Variants in DCC observed in about 807,000 individuals in gnomAD.
DCC encodes the protein DCC netrin 1 receptor, also known as netrin receptor DCC.
In DCC, 58 loss-of-function variants were observed where a neutral mutation model predicts 172.5. The observed-to-expected ratio is 0.34, with a 90% CI of 0.27 to 0.42. The LOEUF is 0.42. DCC is among the 10% of genes least tolerant of loss of function. The probability of loss-of-function intolerance (pLI) is 1.00; values close to 1 mark genes in which losing one functional copy is unlikely to be tolerated. For synonymous variants in DCC, 709 were observed against 644.5 expected, an observed-to-expected ratio of 1.10 and a Z score of -1.52; for missense variants, 1,740 against 1,791.0, an observed-to-expected ratio of 0.97 and a Z score of 0.51.
intron 22 of DCC, among the ~76,000 whole-genome samples, chr18:53,444,003 C>T (rs1912441733): frequency 6.6e-6 from 1 of 152,162 alleles, no homozygotes; most frequent in Non-Finnish European, 1.5e-5. Context: ...GAAAGTGATT[C>T]ATTGAGATGA....
At chr18:52,827,514 C>T (rs529666189) in intron 2 of DCC, among the ~76,000 whole-genome samples, 1 of 152,204 alleles carries the variant, frequency 6.6e-6, no homozygotes, top group African/African-American at 2.4e-5. Flanking sequence ...TACTGCAAAA[C>T]TATTATTTGC....
intron 12 of DCC, among the ~76,000 whole-genome samples, chr18:53,217,233 C>A (rs2055865207): frequency 6.7e-6 from 1 of 150,322 alleles, no homozygotes; most frequent in Admixed American, 6.7e-5. Context: ...GACGGAATTC[C>A]TGGATTGCAA....
chr18:52,718,595 G>A (rs112986659), intron 1 of DCC, among the ~76,000 whole-genome samples: 10 of 152,290 alleles, frequency 6.6e-5, no homozygotes, highest in South Asian at 4.1e-4. Context: ...CCCTGCCTCC[G>A]TGTGGCTCTG....
intron 12 of DCC, among the ~76,000 whole-genome samples, chr18:53,301,046 C>G (rs1450900087): frequency 1.0e-5 from 1 of 96,334 alleles, no homozygotes; most frequent in African/African-American, 3.5e-5. Context: ...TTCTTCCTTT[C>G]CTTTCCTGTC....
Position 52,792,451 on chromosome 18 carries a change from A to T in DCC, c.412+40077A>T, listed in dbSNP as rs935905622. Among the ~76,000 whole-genome samples the T allele has an allele frequency of 2.6e-5, 4 of 152,332 alleles. No individual in the cohort carries two copies. In the South Asian group the frequency reaches 8.3e-4, roughly 32 times the overall value. ...GGTGGTCAGAGGCCGAGGTCAGTCC[A>T]TAAGCCTTTGGGTAACACTCAGGGG... On this transcript the variant is annotated intron_variant, in intron 2 of 28. Transcript: ENST00000442544.
At chr18:52,551,829 C>A (rs1017184698) in intron 1 of DCC, among the ~76,000 whole-genome samples, 1 of 151,876 alleles carries the variant, frequency 6.6e-6, no homozygotes, top group Non-Finnish European at 1.5e-5. Flanking sequence ...CCACAGTCAG[C>A]TTTGGTGGCC....
intron 7 of DCC, among the ~76,000 whole-genome samples, chr18:53,119,114 C>T (rs2043447109): frequency 6.6e-6 from 1 of 151,592 alleles, no homozygotes; most frequent in African/African-American, 2.4e-5. Flanking sequence ...ATGCTGTGTC[C>T]CCCTGAGGTA....
chr18:53,361,287 G>A (rs1363520384), intron 15 of DCC, among the ~76,000 whole-genome samples: 1 of 152,150 alleles, frequency 6.6e-6, no homozygotes, highest in Non-Finnish European at 1.5e-5. Flanking sequence ...TGTTGTTTAA[G>A]TTTGTGTATT....
At chr18:53,484,735 T>C (rs1463290610) in intron 25 of DCC, among the ~76,000 whole-genome samples, 1 of 152,090 alleles carries the variant, frequency 6.6e-6, no homozygotes, top group African/African-American at 2.4e-5. Flanking sequence ...CCTCCAACTT[T>C]GTTTTTCTTT....
At chr18:52,617,816 G>C (rs185997520) in intron 1 of DCC, among the ~76,000 whole-genome samples, 27 of 152,126 alleles carry the variant, frequency 1.8e-4, no homozygotes, top group Non-Finnish European at 3.5e-4. Flanking sequence ...ATGAAGAGAA[G>C]CTTATTTTGC....
At chr18:52,694,753 C>A (rs185721173) in intron 1 of DCC, among the ~76,000 whole-genome samples, 22 of 152,120 alleles carry the variant, frequency 1.4e-4, no homozygotes, top group African/African-American at 5.3e-4. Context: ...ACATTCTAGT[C>A]CTGCCTGCCT....
At chr18:52,891,492 C>A (rs66963940) in intron 2 of DCC, among the ~76,000 whole-genome samples, 1 of 151,894 alleles carries the variant, frequency 6.6e-6, no homozygotes, top group Non-Finnish European at 1.5e-5. Context: ...ATGATAGAAA[C>A]CTTGGGGGTC....
chr18:53,261,297 C>T (rs1407443307), intron 12 of DCC, among the ~76,000 whole-genome samples: 2 of 152,194 alleles, frequency 1.3e-5, no homozygotes, highest in Admixed American at 6.5e-5. Context: ...GCATTGCTCA[C>T]ACTGGGAGCT....
rs71175505 is a variant in DCC at position 52,540,597 on chromosome 18, CTTTTTTTTTT to C, written c.91+199737_91+199746del. 3.0e-3 allele frequency among the ~76,000 whole-genome samples: 203 copies of C among 67,476 alleles called. 1 individual carries two copies. Among genetic ancestry groups the C allele is most frequent in the African/African-American group, 9.7e-3 (142 of 14,656 alleles). The allele number at this position is 67,476 out of a possible 152,430, so 44.3% of individuals were successfully genotyped here. Reference sequence around the variant, plus strand: ...ACTACCGTTAGGTGTATTCAACTGCCTTTTTTTTTTTTTTTTTTTTTTTTTTTGAGACTGA... The same window carrying C: ...ACTACCGTTAGGTGTATTCAACTGCCTTTTTTTTTTTTTTTTTGAGACTGA... On this transcript the variant is annotated intron_variant, in intron 1 of 28. Transcript: ENST00000442544.
intron 1 of DCC, among the ~76,000 whole-genome samples, chr18:52,455,243 C>T (rs1295361867): frequency 6.6e-6 from 1 of 152,070 alleles, no homozygotes; most frequent in Non-Finnish European, 1.5e-5. Context: ...TTCAATGAGT[C>T]TCCTGAAATA....
At chr18:52,464,830 G>A (rs1988738075) in intron 1 of DCC, among the ~76,000 whole-genome samples, 1 of 151,912 alleles carries the variant, frequency 6.6e-6, no homozygotes, top group South Asian at 2.1e-4. Context: ...TTTTCCTGGA[G>A]CAACAGAAAA....
At chr18:52,897,160 T>C (rs935030955) in intron 2 of DCC, among the ~76,000 whole-genome samples, 33 of 152,214 alleles carry the variant, frequency 2.2e-4, no homozygotes, top group African/African-American at 7.2e-4. Flanking sequence ...CTGGGTCTCA[T>C]GTATAGTCAG....
intron 21 of DCC, among the ~76,000 whole-genome samples, chr18:53,427,598 T>C (rs11663516): frequency 0.43 from 65,155 of 150,934 alleles, 15,859 homozygotes; most frequent in Non-Finnish European, 0.55. Flanking sequence ...TCACATAGGT[T>C]AGAACTTATC....
intron 22 of DCC, among the ~76,000 whole-genome samples, chr18:53,443,203 A>G (rs1442757492): frequency 6.6e-6 from 1 of 152,218 alleles, no homozygotes; most frequent in Non-Finnish European, 1.5e-5. Flanking sequence ...GTTGGCTTCA[A>G]AGTTTCAAAG....
Sources: gnomAD v4.1 joint callset for allele counts (sites outside exome capture counted in the v4.1 genomes callset) on GRCh38, gnomAD v4.1.1 for gene constraint, MANE v1.5 for transcripts, NCBI Gene and HGNC (gene_info 2026-07-23, HGNC 2026-07-21) for gene names.